The following RTN3 variants were observed in gnomAD, a reference collection of about 807,000 sequenced individuals.
RTN3 encodes the protein reticulon 3.
A neutral mutation model predicts 77.8 loss-of-function variants in RTN3; 49 were observed. That is an observed-to-expected ratio of 0.63 (90% CI 0.50 to 0.80). The LOEUF (loss-of-function observed/expected upper bound fraction) is 0.80, where lower values mean the gene tolerates loss of function less well. RTN3 is among the 30% of genes least tolerant of loss of function. The pLI is 0.00. For synonymous variants in RTN3, 464 were observed against 446.9 expected (o/e 1.04, Z -0.48); for missense variants, 1,236 against 1,211.9 (o/e 1.02, Z -0.29).
At position 63,758,596 on chromosome 11, in the gene RTN3, G is replaced by T. The variant is rs2014506919; in HGVS notation, c.*395G>T. On this transcript the variant is annotated 3_prime_UTR_variant, in exon 9 of 9. Transcript: ENST00000377819. ...CTATCCATTATAGTTTTGCCCTTAA[G>T]AAGTCATGATTAACTTATGAAAAAA... 4.8e-6 allele frequency: 2 copies of T among 414,074 alleles called. No individual in the cohort carries two copies. Among genetic ancestry groups the T allele is most frequent in the South Asian group, 1.8e-4 (2 of 10,890 alleles). 25.6% of individuals were successfully genotyped at this position (414,074 alleles called of 1,614,324 possible).
intron 2 of RTN3, among the ~76,000 whole-genome samples, chr11:63,715,573 G>T (rs1426022520): frequency 6.6e-6 from 1 of 152,062 alleles, no homozygotes; most frequent in Non-Finnish European, 1.5e-5. Flanking sequence ...CAGGAAAATC[G>T]CTTCAATCTG....
At chr11:63,750,301 G>T (rs1377881260) in intron 4 of RTN3, 103 bp downstream of exon 4, 8 of 940,294 alleles carry the variant, frequency 8.5e-6, no homozygotes, top group Non-Finnish European at 1.3e-5. Context: ...AGAATTATGG[G>T]GCCTAATGCA....
chr11:63,742,819 G>T (rs1405888997), intron 3 of RTN3, among the ~76,000 whole-genome samples: 2 of 151,892 alleles, frequency 1.3e-5, no homozygotes, highest in African/African-American at 2.4e-5. Flanking sequence ...TCACTGTACT[G>T]GTCTTATATA....
In RTN3 at chr11:63,738,137, C is replaced by T. The variant is rs761727481; in HGVS notation, c.2531-11854C>T. Among the ~76,000 whole-genome samples, 70 of 152,148 alleles carry T rather than the reference C, an allele frequency of 4.6e-4. 1 individual carries two copies. Among genetic ancestry groups the T allele is most frequent in the Non-Finnish European group, 8.7e-4 (59 of 68,034 alleles). On this transcript the variant is annotated intron_variant, in intron 3 of 8. Coordinates refer to ENST00000377819, the MANE Select transcript of RTN3 (RefSeq NM_001265589.2). ...GAAATAATCTGTGTAAAAATGTCTGCATCTTTGTCTTTACATAAATTGTTC... is the reference window on the plus strand; with the variant it reads ...GAAATAATCTGTGTAAAAATGTCTGTATCTTTGTCTTTACATAAATTGTTC...
chr11:63,731,174 G>T (rs769252762), intron 3 of RTN3, among the ~76,000 whole-genome samples: 1 of 151,906 alleles, frequency 6.6e-6, no homozygotes, highest in Non-Finnish European at 1.5e-5. Context: ...TCTGCCTCCC[G>T]GGTTCAAATG....
chr11:63,712,922 T>G (rs977722773), intron 2 of RTN3, among the ~76,000 whole-genome samples: 71 of 152,064 alleles, frequency 4.7e-4, no homozygotes, highest in African/African-American at 1.7e-3. Context: ...GTGGAGAAAC[T>G]CCGTCTCTAC....
At chr11:63,726,585 G>A (rs1390642968) in intron 3 of RTN3, among the ~76,000 whole-genome samples, 1 of 152,200 alleles carries the variant, frequency 6.6e-6, no homozygotes, top group African/African-American at 2.4e-5. Context: ...GAACTGGGCC[G>A]GGTGCAATGG....
At chr11:63,736,828 A>G (rs1457654750) in intron 3 of RTN3, among the ~76,000 whole-genome samples, 2 of 152,188 alleles carry the variant, frequency 1.3e-5, no homozygotes, top group Admixed American at 6.5e-5. Context: ...ATACTGAGAA[A>G]TGACTGTTTA....
chr11:63,751,410 ATCT>A (rs1468041820), intron 4 of RTN3, among the ~76,000 whole-genome samples: 1 of 152,192 alleles, frequency 6.6e-6, no homozygotes, highest in Non-Finnish European at 1.5e-5. Context: ...GAAGTCAGTA[ATCT>A]TCTGACTACA....
At chr11:63,702,960 C>T (rs563258687) in intron 1 of RTN3, among the ~76,000 whole-genome samples, 5 of 152,226 alleles carry the variant, frequency 3.3e-5, no homozygotes, top group Admixed American at 3.3e-4. Context: ...GCTGGGATTA[C>T]AGGTGTGAGC....
At chr11:63,740,095 T>G (rs2013367294) in intron 3 of RTN3, among the ~76,000 whole-genome samples, 1 of 152,166 alleles carries the variant, frequency 6.6e-6, no homozygotes, top group South Asian at 2.1e-4. Flanking sequence ...GTTGGTCTGG[T>G]CTGCCCCATA....
intron 2 of RTN3, among the ~76,000 whole-genome samples, chr11:63,712,036 A>G (rs949885407): frequency 6.6e-5 from 10 of 152,338 alleles, no homozygotes; most frequent in African/African-American, 1.9e-4. Context: ...ACCTAGCACA[A>G]TTCTTAGGAT....
intron 2 of RTN3, among the ~76,000 whole-genome samples, chr11:63,706,203 A>T (rs181594844): frequency 9.9e-5 from 15 of 152,174 alleles, no homozygotes; most frequent in Admixed American, 9.2e-4. Context: ...TTGTTTTGAG[A>T]TAGGGTCTCA....
chr11:63,759,005 C>G lies in RTN3; in HGVS notation c.*804C>G, dbSNP rs1221928578. The G allele has an allele frequency of 6.6e-6, 1 of 152,136 alleles. No homozygotes were observed. The highest frequency in any genetic ancestry group is 1.5e-5 in the Non-Finnish European group (1 of 68,046). 9.4% of individuals were successfully genotyped at this position (152,136 alleles called of 1,614,324 possible). A position where few individuals can be genotyped will look rare whatever the true frequency, so the allele number is the denominator to read the frequency against. The stretch of plus-strand genomic sequence containing the variant: ...ATGTGCTTTCCTCCCTCTCCCCTGC[C>G]CACCTCAAGTTTAATAAATAAGGTT... On this transcript the variant is annotated 3_prime_UTR_variant, in exon 9 of 9. Coordinates refer to ENST00000377819, the MANE Select transcript of RTN3 (RefSeq NM_001265589.2).
At chr11:63,736,251 C>T (rs1490137153) in intron 3 of RTN3, among the ~76,000 whole-genome samples, 2 of 152,192 alleles carry the variant, frequency 1.3e-5, no homozygotes, top group African/African-American at 2.4e-5. Flanking sequence ...GGGTGCTAAC[C>T]TCATGGCCCT....
intron 1 of RTN3, among the ~76,000 whole-genome samples, chr11:63,688,517 C>T (rs545120756): frequency 3.3e-4 from 50 of 152,190 alleles, no homozygotes; most frequent in African/African-American, 1.0e-3. Flanking sequence ...CCACCACGCC[C>T]GGCCAAGAAG....
At chr11:63,700,410 G>A (rs1400462481) in intron 1 of RTN3, among the ~76,000 whole-genome samples, 2 of 150,178 alleles carry the variant, frequency 1.3e-5, no homozygotes, top group Non-Finnish European at 3.0e-5. Context: ...CAAGTAGCTG[G>A]GACTATAGGC....
In RTN3 at chr11:63,693,699, T is replaced by C. The variant is rs569414580; in HGVS notation, c.143-11152T>C. On this transcript the variant is annotated intron_variant, in intron 1 of 8. Transcript: ENST00000377819. ...TTTCCTGTAAGCCCATAAAACTGTA[T>C]CTGTAATAGAAATATGTTTAAGGTT... Among the ~76,000 whole-genome samples the C allele has an allele frequency of 2.6e-5, 4 of 152,328 alleles. No individual in the cohort carries two copies. The South Asian group carries it at 8.3e-4, about 32-fold the overall frequency.
intron 3 of RTN3, among the ~76,000 whole-genome samples, chr11:63,737,564 C>A (rs2013211264): frequency 6.6e-6 from 1 of 152,164 alleles, no homozygotes; most frequent in South Asian, 2.1e-4. Flanking sequence ...GAGCTGAGAT[C>A]ATGCTACTGC....
Sources: allele counts gnomAD v4.1 joint callset (sites outside exome capture counted in the v4.1 genomes callset), GRCh38; gene constraint gnomAD v4.1.1; transcripts MANE v1.5; gene names NCBI Gene and HGNC (gene_info 2026-07-23, HGNC 2026-07-21).